Variants in MICU2 observed in about 807,000 individuals in gnomAD.
The protein encoded by MICU2 is mitochondrial calcium uptake 2.
A neutral mutation model predicts 60.4 loss-of-function variants in MICU2; 64 were observed. The observed-to-expected ratio is 1.06, with a 90% confidence interval of 0.87 to 1.31. The LOEUF (loss-of-function observed/expected upper bound fraction) is 1.31. MICU2 is among the 50% of genes most tolerant of loss of function. The pLI, the probability that MICU2 is intolerant of heterozygous loss-of-function variation, is 0.00. For missense variants in MICU2, 569 were observed against 531.0 expected (o/e 1.07, Z -0.70); for synonymous variants, 201 against 175.0 (o/e 1.15, Z -1.17).
At chr13:21,502,641 G>A (rs1886203520) in intron 9 of MICU2, among the ~76,000 whole-genome samples, 1 of 152,054 alleles carries the variant, frequency 6.6e-6, no homozygotes, top group Admixed American at 6.5e-5. Flanking sequence ...AAATAATCTT[G>A]TTAATTTGGA....
chr13:21,550,248 ATACT>A (rs2138017174), intron 2 of MICU2, among the ~76,000 whole-genome samples: 1 of 152,336 alleles, frequency 6.6e-6, no homozygotes, highest in African/African-American at 2.4e-5. Flanking sequence ...ACACTTAAAA[ATACT>A]TACTGCCAGG....
intron 9 of MICU2, among the ~76,000 whole-genome samples, chr13:21,499,372 A>G (rs1437283996): frequency 1.3e-5 from 2 of 151,562 alleles, no homozygotes; most frequent in Non-Finnish European, 2.9e-5. Flanking sequence ...ATGGGTTGTT[A>G]GGTAACTTAC....
chr13:21,551,745 T>C (rs1370617585), intron 2 of MICU2, among the ~76,000 whole-genome samples: 2 of 151,968 alleles, frequency 1.3e-5, no homozygotes, highest in East Asian at 3.9e-4. Context: ...GCTTCATCCA[T>C]GTCCCTACAA....
At chr13:21,570,200 G>A (rs1032949384) in intron 1 of MICU2, among the ~76,000 whole-genome samples, 4 of 152,112 alleles carry the variant, frequency 2.6e-5, no homozygotes, top group African/African-American at 9.6e-5. Flanking sequence ...TTTATGTAAA[G>A]GAAAAAACAT....
rs1885988501 is a variant in MICU2, at chr13:21,496,064, G to A, written c.1030C>T (p.Pro344Ser). 2 of 1,612,710 alleles carry A rather than the reference G, an allele frequency of 1.2e-6. No individual in the cohort carries two copies. Among genetic ancestry groups the A allele is most frequent in the South Asian group, 1.1e-5 (1 of 90,760 alleles). Residue 344 changes from proline to serine, a missense_variant, in exon 10 of 12, where the codon CCT becomes TCT. By Grantham distance (74) the Pro-to-Ser change is moderately conservative. Transcript: ENST00000382374. ...TCATATAACTTACCTAGTCTGACAGGACGATGAGCTAAACTGAACATCTGC... is the reference window on the plus strand; with the variant it reads ...TCATATAACTTACCTAGTCTGACAGAACGATGAGCTAAACTGAACATCTGC... ...AMQMFSLAHR[P>S]VRLAEFKRAV...
intron 2 of MICU2, among the ~76,000 whole-genome samples, chr13:21,565,344 A>G (rs1028311636): frequency 1.3e-5 from 2 of 151,684 alleles, no homozygotes; most frequent in African/African-American, 4.8e-5. Context: ...CCTGGCCAAC[A>G]TGGTGAAACT....
intron 1 of MICU2, among the ~76,000 whole-genome samples, chr13:21,573,875 A>T (rs913663908): frequency 6.6e-6 from 1 of 152,206 alleles, no homozygotes; most frequent in Non-Finnish European, 1.5e-5. Context: ...CAACCTGCAA[A>T]ATTGGAGAGA....
chr13:21,507,817 T>C (rs999695456), intron 8 of MICU2, among the ~76,000 whole-genome samples: 4 of 151,934 alleles, frequency 2.6e-5, no homozygotes, highest in Admixed American at 1.3e-4. Flanking sequence ...TTGGCCAGGC[T>C]GGTCTAAAAA....
intron 6 of MICU2, chr13:21,515,611 T>G (rs1290467833): frequency 2.4e-6 from 1 of 423,482 alleles, no homozygotes; most frequent in Non-Finnish European, 4.7e-6. Context: ...AAGAATCAGA[T>G]GTAGACAAAA....
At chr13:21,498,130 T>C (rs1886047910) in intron 9 of MICU2, among the ~76,000 whole-genome samples, 2 of 152,326 alleles carry the variant, frequency 1.3e-5, no homozygotes, top group Admixed American at 6.5e-5. Flanking sequence ...CTGAGGATCA[T>C]GCCCTCTGTA....
In MICU2 at chr13:21,493,015, C is replaced by A. The variant is rs1478676806; in HGVS notation, c.*234G>T. The A allele has an allele frequency of 3.4e-6, 1 of 296,096 alleles. No individual in the cohort carries two copies. The highest frequency in any genetic ancestry group is 6.2e-6 in the Non-Finnish European group (1 of 161,160). The allele number at this position is 296,096 out of a possible 1,614,324, so 18.3% of individuals were successfully genotyped here. A position where few individuals can be genotyped will look rare whatever the true frequency, so the allele number is the denominator to read the frequency against. Reference sequence around the variant, plus strand: ...CTAAGTTTTCCATCTTACCGAAGTACAAAACATTATTTCAAATCTAGGCCT... The same window carrying A: ...CTAAGTTTTCCATCTTACCGAAGTAAAAAACATTATTTCAAATCTAGGCCT... On this transcript the variant is annotated 3_prime_UTR_variant, in exon 12 of 12. Transcript: ENST00000382374.
intron 2 of MICU2, among the ~76,000 whole-genome samples, chr13:21,565,699 G>C (rs1593347875): frequency 1.3e-5 from 2 of 151,840 alleles, no homozygotes; most frequent in Admixed American, 6.6e-5. Context: ...CAGGCATGGT[G>C]GTGGGCACCT....
chr13:21,544,669 T>C (rs1285861849), intron 2 of MICU2, among the ~76,000 whole-genome samples: 2 of 152,166 alleles, frequency 1.3e-5, no homozygotes, highest in African/African-American at 4.8e-5. Flanking sequence ...GAATTCTTTT[T>C]TGAGACAGGG....
At chr13:21,513,329 G>C (rs1002602112) in intron 7 of MICU2, among the ~76,000 whole-genome samples, 1 of 152,182 alleles carries the variant, frequency 6.6e-6, no homozygotes, top group African/African-American at 2.4e-5. Flanking sequence ...CTGATGTCAG[G>C]GGAAAAGAAT....
At chr13:21,565,407 C>T (rs1887955609) in intron 2 of MICU2, among the ~76,000 whole-genome samples, 1 of 152,088 alleles carries the variant, frequency 6.6e-6, no homozygotes. Context: ...CTTGCAATCC[C>T]AGCACTTTGG....
chr13:21,577,013 T>C (rs1237547008), intron 1 of MICU2, among the ~76,000 whole-genome samples: 1 of 152,180 alleles, frequency 6.6e-6, no homozygotes, highest in East Asian at 1.9e-4. Flanking sequence ...GATTTGCAAT[T>C]TCTTACTTAA....
chr13:21,524,814 C>T (rs1175086573), intron 4 of MICU2, among the ~76,000 whole-genome samples: 2 of 152,212 alleles, frequency 1.3e-5, no homozygotes, highest in Non-Finnish European at 2.9e-5. Context: ...CTCTATTCCG[C>T]TTTCTGTCTC....
At chr13:21,522,677 A>T in intron 4 of MICU2, 27 bp from the exon 5 acceptor site, 1 of 1,544,896 alleles carries the variant, frequency 6.5e-7, no homozygotes, top group South Asian at 1.2e-5. Flanking sequence ...CATACCAGAA[A>T]ATAAGCTTTA....
At chr13:21,498,040 C>A (rs1204555784) in intron 9 of MICU2, among the ~76,000 whole-genome samples, 1 of 152,056 alleles carries the variant, frequency 6.6e-6, no homozygotes, top group Non-Finnish European at 1.5e-5. Context: ...CAAGTGTCAG[C>A]CATTGTGTCC....
Sources: gnomAD v4.1 joint callset for allele counts (sites outside exome capture counted in the v4.1 genomes callset) on GRCh38, gnomAD v4.1.1 for gene constraint, MANE v1.5 for transcripts, NCBI Gene and HGNC (gene_info 2026-07-23, HGNC 2026-07-21) for gene names.